Variants in OPRM1 observed in about 807,000 individuals in gnomAD.
OPRM1 encodes opioid receptor mu 1.
Under a neutral mutation model 31.8 loss-of-function variants are expected in OPRM1, and 27 were observed. That is an observed-to-expected ratio of 0.85 (90% CI 0.63 to 1.17). OPRM1 has a LOEUF of 1.17. Among genes scored for constraint, OPRM1 ranks in the 50% most tolerant of loss-of-function variants. The probability of loss-of-function intolerance (pLI) is 0.00; values close to 1 mark genes in which losing one functional copy is unlikely to be tolerated. For synonymous variants in OPRM1, 196 were observed against 189.9 expected, an observed-to-expected ratio of 1.03 and a Z score of -0.26; for missense variants, 536 against 511.1, an observed-to-expected ratio of 1.05 and a Z score of -0.47.
chr6:154,152,330 AG>A (rs1255488641), intron 3 of OPRM1, among the ~76,000 whole-genome samples: 3 of 44,906 alleles, frequency 6.7e-5, no homozygotes, highest in African/African-American at 3.5e-4. Context: ...AAAGAAAGAA[AG>A]AAAGAAAGAA....
chr6:154,175,001 A>C (rs568489797), intron 3 of OPRM1, among the ~76,000 whole-genome samples: 169 of 152,344 alleles, frequency 1.1e-3, no homozygotes, highest in African/African-American at 3.9e-3. Flanking sequence ...TCAAATTAGA[A>C]TTCAGGATTA....
At chr6:154,197,448 T>C (rs993468073) in intron 3 of OPRM1, among the ~76,000 whole-genome samples, 1 of 152,212 alleles carries the variant, frequency 6.6e-6, no homozygotes, top group Non-Finnish European at 1.5e-5. Flanking sequence ...TTCTGTAGCA[T>C]ATGAGAACTG....
chr6:154,059,357 A>G (rs1008631040), intron 1 of OPRM1, among the ~76,000 whole-genome samples: 4 of 152,192 alleles, frequency 2.6e-5, no homozygotes, highest in Non-Finnish European at 4.4e-5. Context: ...CAAAGCCTCA[A>G]TTGTGATCTA....
chr6:154,095,729 C>T (rs991867735), intron 3 of OPRM1, among the ~76,000 whole-genome samples: 24 of 152,162 alleles, frequency 1.6e-4, no homozygotes, highest in African/African-American at 4.8e-4. Flanking sequence ...TGGGCTCAGC[C>T]TACTGCTCCA....
rs542518937 is a variant in OPRM1, at chr6:154,176,021, C to A, written c.1165-70672C>A. The stretch of plus-strand genomic sequence containing the variant: ...TGGGATGCAAGACTGCTTCAACGTA[C>A]CCAAATCAATAGACATAATCTATCA... On this transcript the variant is annotated intron_variant, in intron 3 of 3. Coordinates refer to the OPRM1 transcript ENST00000337049. Among the ~76,000 whole-genome samples, 3 of 152,242 alleles carry A rather than the reference C, an allele frequency of 2.0e-5. No homozygotes were observed. In the East Asian group the frequency reaches 5.8e-4, roughly 29 times the overall value.
At chr6:154,151,197 G>A (rs1026833837) in intron 3 of OPRM1, among the ~76,000 whole-genome samples, 2 of 152,204 alleles carry the variant, frequency 1.3e-5, no homozygotes, top group Non-Finnish European at 1.5e-5. Flanking sequence ...AGTACTAACC[G>A]CCTTAGGCTG....
intron 3 of OPRM1, among the ~76,000 whole-genome samples, chr6:154,229,935 C>G (rs750739914): frequency 6.6e-6 from 1 of 152,178 alleles, no homozygotes; most frequent in Non-Finnish European, 1.5e-5. Flanking sequence ...ACCCTGAAAA[C>G]ATTCTGCTAA....
chr6:154,077,949 G>A lies in OPRM1; in HGVS notation c.291-11877G>A, dbSNP rs202011227. Among the ~76,000 whole-genome samples, 153 of 151,874 alleles carry A rather than the reference G, an allele frequency of 1.0e-3. 1 individual carries two copies. The highest frequency in any genetic ancestry group is 3.5e-3 in the African/African-American group (144 of 41,408). On this transcript the variant is annotated intron_variant, in intron 1 of 3. Transcript: ENST00000330432. ...AAGGAATTTGCCAAGGTTATTAACA[G>A]GTATTTTGCCAAAGGCAGTGAACAT...
intron 1 of OPRM1, among the ~76,000 whole-genome samples, chr6:154,077,824 C>A (rs932900357): frequency 2.0e-5 from 3 of 151,818 alleles, no homozygotes; most frequent in Non-Finnish European, 4.4e-5. Context: ...ACCAAAATAT[C>A]TCTAAAGAGT....
At chr6:154,224,061 G>T (rs753511480) in intron 3 of OPRM1, among the ~76,000 whole-genome samples, 1 of 152,274 alleles carries the variant, frequency 6.6e-6, no homozygotes, top group South Asian at 2.1e-4. Context: ...TAGATTGTTC[G>T]TCACCCATAG....
chr6:154,137,304 T>C (rs1443545684), downstream of OPRM1, among the ~76,000 whole-genome samples: 1 of 152,166 alleles, frequency 6.6e-6, no homozygotes, highest in Non-Finnish European at 1.5e-5. Context: ...AAGGAAAAGA[T>C]AGGAGTATAT....
At chr6:154,018,843 C>T (rs1468857966) in intron 1 of OPRM1, among the ~76,000 whole-genome samples, 2 of 152,144 alleles carry the variant, frequency 1.3e-5, no homozygotes, top group East Asian at 3.9e-4. Flanking sequence ...AGACTATTTT[C>T]CAGGAACCTC....
At chr6:154,047,202 C>A (rs932134468) in intron 1 of OPRM1, among the ~76,000 whole-genome samples, 1 of 148,478 alleles carries the variant, frequency 6.7e-6, no homozygotes, top group Admixed American at 6.7e-5. Flanking sequence ...CAGAAGCCAC[C>A]AGGTGAGCAT....
intron 1 of OPRM1, among the ~76,000 whole-genome samples, chr6:154,028,133 C>T (rs1398010428): frequency 1.3e-5 from 2 of 152,154 alleles, no homozygotes; most frequent in Non-Finnish European, 2.9e-5. Flanking sequence ...TCAAGGCCCT[C>T]GACATAGTAC....
chr6:154,183,005 A>C lies in OPRM1; in HGVS notation c.1165-63688A>C, dbSNP rs1801029286. Among the ~76,000 whole-genome samples the C allele has an allele frequency of 3.3e-5, 5 of 150,944 alleles. No individual in the cohort carries two copies. In the South Asian group the frequency reaches 1.1e-3, roughly 32 times the overall value. ...TTTTTTTTCTTTTTTTTTGAGACGG[A>C]CTCTCGCTCTGTAGCCCAGGCTGGA... On this transcript the variant is annotated intron_variant, in intron 3 of 3. Coordinates refer to the OPRM1 transcript ENST00000337049.
At chr6:154,135,626 T>C (rs1583645185), downstream of OPRM1, among the ~76,000 whole-genome samples, 1 of 152,190 alleles carries the variant, frequency 6.6e-6, no homozygotes, top group Non-Finnish European at 1.5e-5. Context: ...AGTGGCAGGC[T>C]CCCTGGCCAA....
At chr6:154,040,086 A>G (rs1054826472) in intron 1 of OPRM1, among the ~76,000 whole-genome samples, 2 of 152,114 alleles carry the variant, frequency 1.3e-5, no homozygotes, top group South Asian at 2.1e-4. Flanking sequence ...AAAAGCTACA[A>G]ATGTCTAGGG....
chr6:154,160,538 C>A (rs1344405692), intron 3 of OPRM1, among the ~76,000 whole-genome samples: 1 of 151,900 alleles, frequency 6.6e-6, no homozygotes, highest in Non-Finnish European at 1.5e-5. Context: ...AGAATAAATA[C>A]ACAGATTATC....
intron 3 of OPRM1, among the ~76,000 whole-genome samples, chr6:154,109,967 A>G (rs561203045): frequency 3.3e-4 from 50 of 152,292 alleles, no homozygotes; most frequent in African/African-American, 1.2e-3. Flanking sequence ...TTTAAAAGCC[A>G]CTGTAGATCA....
Sources: gnomAD v4.1 joint callset for allele counts (sites outside exome capture counted in the v4.1 genomes callset) on GRCh38, gnomAD v4.1.1 for gene constraint, MANE v1.5 for transcripts, NCBI Gene and HGNC (gene_info 2026-07-23, HGNC 2026-07-21) for gene names.